GALNT1: variants seen among roughly 807,000 people sequenced by gnomAD.
GALNT1 encodes the protein polypeptide N-acetylgalactosaminyltransferase 1.
In GALNT1, 17 loss-of-function variants were observed where a neutral mutation model predicts 65.7. The ratio of observed to expected loss-of-function variants is 0.26; its 90% confidence interval spans 0.18 to 0.39. GALNT1 has a LOEUF of 0.39. Ranked by LOEUF, GALNT1 falls within the 10% of genes least tolerant of loss-of-function variation. The pLI is 1.00. For synonymous variants in GALNT1, 210 were observed against 219.7 expected (o/e 0.96, Z 0.39); for missense variants, 460 against 672.8 (o/e 0.68, Z 3.50).
chr18:35,699,442 C>A (rs1312905474), intron 9 of GALNT1, among the ~76,000 whole-genome samples: 2 of 152,156 alleles, frequency 1.3e-5, no homozygotes, highest in Admixed American at 1.3e-4. Context: ...AAACAAGGCT[C>A]ACTTCTTGCT....
At chr18:35,685,883 A>G (rs941244240) in intron 5 of GALNT1, among the ~76,000 whole-genome samples, 19 of 152,300 alleles carry the variant, frequency 1.2e-4, no homozygotes, top group Non-Finnish European at 1.5e-4. Flanking sequence ...TCTGGCCAAC[A>G]TGGCGAAACC....
chr18:35,632,102 A>G (rs1010406485), intron 1 of GALNT1, among the ~76,000 whole-genome samples: 20 of 152,370 alleles, frequency 1.3e-4, no homozygotes, highest in Admixed American at 4.6e-4. Context: ...AAGAAGCAAT[A>G]TTGTGAAAAT....
chr18:35,659,346 C>T (rs2047443852), intron 2 of GALNT1, among the ~76,000 whole-genome samples: 1 of 152,148 alleles, frequency 6.6e-6, no homozygotes, highest in African/African-American at 2.4e-5. Context: ...TACTTGCCTG[C>T]TTCAAGGAAT....
intron 1 of GALNT1, among the ~76,000 whole-genome samples, chr18:35,634,679 C>T (rs2047066463): frequency 6.6e-6 from 1 of 152,148 alleles, no homozygotes; most frequent in Admixed American, 6.5e-5. Flanking sequence ...GCATCTCCTG[C>T]CTAACACATA....
chr18:35,628,797 G>T (rs187848280), intron 1 of GALNT1, among the ~76,000 whole-genome samples: 2 of 152,152 alleles, frequency 1.3e-5, no homozygotes, highest in Non-Finnish European at 2.9e-5. Flanking sequence ...CGAACCCAAC[G>T]CAAAGAAGTT....
chr18:35,643,571 G>C (rs923172104), intron 1 of GALNT1, among the ~76,000 whole-genome samples: 1 of 152,102 alleles, frequency 6.6e-6, no homozygotes, highest in Non-Finnish European at 1.5e-5. Context: ...AGACCATCCT[G>C]GCTACCACAG....
At position 35,581,877 on chromosome 18, in the gene GALNT1, C is replaced by A; in HGVS notation, c.-104+15C>A. 6.7e-6 allele frequency: 1 copy of A among 148,674 alleles called. No individual in the cohort carries two copies. Among genetic ancestry groups the A allele is most frequent in the South Asian group, 1.9e-4 (1 of 5,240 alleles). 9.2% of individuals were successfully genotyped at this position (148,674 alleles called of 1,614,324 possible). The stretch of plus-strand genomic sequence containing the variant: ...CGCCTAGCGAGGTGAGTGTATCGCC[C>A]GCGGCTGGGCAGTCCCGGAGCCGCA... On this transcript the variant is annotated intron_variant, in intron 1 of 11. Transcript: ENST00000269195.
At chr18:35,635,708 A>G (rs1000428670) in intron 1 of GALNT1, among the ~76,000 whole-genome samples, 3 of 152,150 alleles carry the variant, frequency 2.0e-5, no homozygotes, top group South Asian at 2.1e-4. Flanking sequence ...TAGCTGACCA[A>G]TTTTGTTTCT....
At chr18:35,640,880 TGCTTAA>T (rs2144293566) in intron 1 of GALNT1, among the ~76,000 whole-genome samples, 1 of 152,364 alleles carries the variant, frequency 6.6e-6, no homozygotes. Flanking sequence ...ATTGAATCCC[TGCTTAA>T]ATGGGAAAAG....
chr18:35,632,543 C>A (rs1268710132), intron 1 of GALNT1, among the ~76,000 whole-genome samples: 1 of 152,046 alleles, frequency 6.6e-6, no homozygotes, highest in Non-Finnish European at 1.5e-5. Context: ...TTATACAAAA[C>A]TTAATTCAAG....
intron 9 of GALNT1, among the ~76,000 whole-genome samples, chr18:35,698,887 G>A (rs984020641): frequency 6.6e-6 from 1 of 152,124 alleles, no homozygotes; most frequent in Middle Eastern, 3.2e-3. Context: ...GGAGGCTGAG[G>A]CAGAGAATTG....
chr18:35,683,350 G>A (rs982987059), intron 4 of GALNT1, 41 bp from the exon 5 acceptor site: 1 of 1,512,614 alleles, frequency 6.6e-7, no homozygotes. Flanking sequence ...AATAGTGCCA[G>A]GCCACACTGG....
intron 1 of GALNT1, among the ~76,000 whole-genome samples, chr18:35,605,006 T>C (rs918854074): frequency 2.6e-5 from 4 of 152,208 alleles, no homozygotes; most frequent in African/African-American, 9.6e-5. Context: ...TAATTTACTT[T>C]TCATCTCAGA....
At chr18:35,586,394 CT>C (rs2046378417) in intron 1 of GALNT1, among the ~76,000 whole-genome samples, 1 of 152,122 alleles carries the variant, frequency 6.6e-6, no homozygotes, top group South Asian at 2.1e-4. Context: ...TTTTCATCCC[CT>C]TAATAAGGTC....
chr18:35,702,280 A>ATT (rs1483606681), intron 9 of GALNT1, among the ~76,000 whole-genome samples: 2 of 152,234 alleles, frequency 1.3e-5, no homozygotes, highest in Non-Finnish European at 2.9e-5. Context: ...ATAGGAATAG[A>ATT]TTTAAGACTT....
intron 9 of GALNT1, among the ~76,000 whole-genome samples, chr18:35,697,168 A>G (rs1249774825): frequency 2.0e-5 from 3 of 152,174 alleles, no homozygotes; most frequent in African/African-American, 4.8e-5. Context: ...TGTGCCTGCT[A>G]TGTATCTGTC....
At chr18:35,692,130 T>G in intron 8 of GALNT1, 51 bp from the exon 9 acceptor site, 1 of 1,492,020 alleles carries the variant, frequency 6.7e-7, no homozygotes, top group Non-Finnish European at 9.3e-7. Context: ...TATAAACATG[T>G]GTTACCTAAA....
chr18:35,669,065 C>T (rs1011790172), intron 3 of GALNT1, among the ~76,000 whole-genome samples: 1 of 152,168 alleles, frequency 6.6e-6, no homozygotes, highest in African/African-American at 2.4e-5. Context: ...CATGGTGAAA[C>T]CCTGTCTCTA....
chr18:35,668,881 G>A (rs1157035700), intron 3 of GALNT1, among the ~76,000 whole-genome samples: 1 of 152,068 alleles, frequency 6.6e-6, no homozygotes, highest in Admixed American at 6.6e-5. Context: ...ATATAACTTA[G>A]TAAAATTGAC....
Sources: allele counts gnomAD v4.1 joint callset (sites outside exome capture counted in the v4.1 genomes callset), GRCh38; gene constraint gnomAD v4.1.1; transcripts MANE v1.5; gene names NCBI Gene and HGNC (gene_info 2026-07-23, HGNC 2026-07-21).